The following BRCA1 variants were observed in gnomAD, a reference collection of about 807,000 sequenced individuals.
BRCA1 encodes breast cancer type 1 susceptibility protein.
In BRCA1, 140 loss-of-function variants were observed where a neutral mutation model predicts 173.7. That is an observed-to-expected ratio of 0.81 (90% confidence interval 0.70 to 0.93). The LOEUF (loss-of-function observed/expected upper bound fraction) is 0.93, where lower values mean the gene tolerates loss of function less well. Ranked by LOEUF, BRCA1 falls within the 40% of genes least tolerant of loss-of-function variation. The pLI is 0.00. For synonymous variants in BRCA1, 662 were observed against 756.0 expected, an observed-to-expected ratio of 0.88 and a Z score of 2.04; for missense variants, 1,983 against 2,172.5, an observed-to-expected ratio of 0.91 and a Z score of 1.73.
chr17:43,120,338 T>C (rs1263416636), intron 2 of BRCA1, among the ~76,000 whole-genome samples: 2 of 152,242 alleles, frequency 1.3e-5, no homozygotes, highest in Non-Finnish European at 2.9e-5. Flanking sequence ...TAACACTGTT[T>C]CCAGTCATGA....
chr17:43,113,266 C>T (rs1415420790), intron 3 of BRCA1, among the ~76,000 whole-genome samples: 1 of 152,182 alleles, frequency 6.6e-6, no homozygotes, highest in African/African-American at 2.4e-5. Context: ...TGGACCTTCT[C>T]TTTCTTGCAA....
chr17:43,087,946 G>A (rs956402391), intron 11 of BRCA1, among the ~76,000 whole-genome samples: 6 of 151,732 alleles, frequency 4.0e-5, no homozygotes, highest in African/African-American at 7.3e-5. Flanking sequence ...GAGTGCAGTA[G>A]CGTGATCACA....
chr17:43,100,609 C>CATATATATAACATATATATATTAT (rs2054370754), intron 6 of BRCA1, among the ~76,000 whole-genome samples: 2 of 65,758 alleles, frequency 3.0e-5, no homozygotes, highest in African/African-American at 1.3e-4. Context: ...ATATATATAA[C>CATATATATAACATATATATATTAT]ATATATATAA....
intron 1 of BRCA1, chr17:43,164,730 C>G (rs35070007): frequency 0.55 from 83,316 of 151,936 alleles, 24,603 homozygotes; most frequent in Non-Finnish European, 0.66. Context: ...AGGTAGGGTC[C>G]TTCCAGGCTG....
chr17:43,097,468 C>T (rs2054190522), intron 7 of BRCA1, among the ~76,000 whole-genome samples, 179 bp from the exon 8 acceptor site: 2 of 152,144 alleles, frequency 1.3e-5, no homozygotes. Context: ...AAGGCATGGG[C>T]TTCGCCAGGC....
rs59541324 is a variant in BRCA1, at chr17:43,044,804, CTTTT to C, written c.*870_*873del. 7.6e-3 allele frequency: 2,817 copies of C among 368,452 alleles called. No homozygotes were observed. Among genetic ancestry groups the C allele is most frequent in the East Asian group, 0.012 (202 of 16,176 alleles). The allele number at this position is 368,452 out of a possible 1,614,324, so 22.8% of individuals were successfully genotyped here. A position where few individuals can be genotyped will look rare whatever the true frequency, so the allele number is the denominator to read the frequency against. ...AGAAATCTCTTCTAGTTTCATTTTCCTTTTTTTTTTTTTTTTTTTGAGCCACAGT... is the reference window on the plus strand; with the variant it reads ...AGAAATCTCTTCTAGTTTCATTTTCCTTTTTTTTTTTTTTTGAGCCACAGT... On this transcript the variant is annotated 3_prime_UTR_variant, in exon 23 of 23. Transcript: ENST00000357654.
At chr17:43,071,295 T>A in intron 14 of BRCA1, 57 bp from the exon 15 acceptor site, 1 of 1,577,182 alleles carries the variant, frequency 6.3e-7, no homozygotes. Flanking sequence ...ATTACAAAGT[T>A]CTGGTCTCTG....
intron 1 of BRCA1, among the ~76,000 whole-genome samples, chr17:43,158,278 T>C (rs1196529534): frequency 3.3e-5 from 5 of 152,200 alleles, no homozygotes; most frequent in South Asian, 2.1e-4. Flanking sequence ...CATGAGTAAG[T>C]TGTGCTTTTT....
chr17:43,078,601 G>C (rs986635500), intron 12 of BRCA1, among the ~76,000 whole-genome samples: 9 of 152,188 alleles, frequency 5.9e-5, no homozygotes, highest in African/African-American at 2.2e-4. Context: ...CATAAATATA[G>C]GTAGAAAATT....
At chr17:43,165,322 C>T (rs1235350935) in intron 1 of BRCA1, among the ~76,000 whole-genome samples, 1 of 152,172 alleles carries the variant, frequency 6.6e-6, no homozygotes, top group Admixed American at 6.5e-5. Context: ...TGTTTACACA[C>T]AGAATTTTCT....
At chr17:43,139,214 C>T (rs2056054866) in intron 1 of BRCA1, among the ~76,000 whole-genome samples, 1 of 150,440 alleles carries the variant, frequency 6.6e-6, no homozygotes. Flanking sequence ...TTCTTTTCTC[C>T]CAGGTGTTTT....
chr17:43,097,437 T>C (rs1277331422), intron 7 of BRCA1, 148 bp from the exon 8 acceptor site: 5 of 759,408 alleles, frequency 6.6e-6, no homozygotes, highest in South Asian at 3.1e-5. Context: ...TAAGCTAGTA[T>C]GTAATACAGA....
intron 1 of BRCA1, among the ~76,000 whole-genome samples, chr17:43,142,158 C>T (rs1407665684): frequency 6.6e-6 from 1 of 152,186 alleles, no homozygotes; most frequent in African/African-American, 2.4e-5. Context: ...AGGTGGTCCA[C>T]CCACCTCAGC....
chr17:43,106,557 A>G (rs1382771356), intron 3 of BRCA1, 24 bp from the exon 4 acceptor site: 1 of 1,516,796 alleles, frequency 6.6e-7, no homozygotes, highest in Non-Finnish European at 9.1e-7. Context: ...AGAAAGAAAG[A>G]ACAATTTAAT....
chr17:43,135,296 C>T (rs546881436), intron 1 of BRCA1, among the ~76,000 whole-genome samples: 4 of 136,096 alleles, frequency 2.9e-5, no homozygotes, highest in African/African-American at 7.5e-5. Flanking sequence ...CAGAGCGCAG[C>T]GGCCGGCCCA....
chr17:43,170,215 A>C (rs1394171007), exon 1 of BRCA1: 3 of 186,454 alleles, frequency 1.6e-5, no homozygotes, highest in Non-Finnish European at 3.4e-5. Flanking sequence ...GGGGTTCCAC[A>C]GTTTTAATTT....
chr17:43,119,046 A>T (rs1036415520), intron 2 of BRCA1: 3 of 216,716 alleles, frequency 1.4e-5, no homozygotes, highest in Admixed American at 5.8e-5. Context: ...GAGCCACTAC[A>T]CTTAGCTCTA....
At chr17:43,122,265 T>G (rs1478992688) in intron 2 of BRCA1, among the ~76,000 whole-genome samples, 1 of 152,226 alleles carries the variant, frequency 6.6e-6, no homozygotes, top group Non-Finnish European at 1.5e-5. Flanking sequence ...ACTTTTCAAC[T>G]TATTTTTTGA....
Position 43,118,307 on chromosome 17 carries a change from G to C in BRCA1, c.81-2528C>G, listed in dbSNP as rs1278361645. 3.3e-5 allele frequency among the ~76,000 whole-genome samples: 5 copies of C among 152,158 alleles called. No homozygotes were observed. The South Asian group carries it at 8.3e-4, about 25-fold the overall frequency. ...GATATTGTAGGGAAAGACTATCAGAGAGGTAGCTGGTAACTTCTGGTAGGA... is the reference window on the plus strand; with the variant it reads ...GATATTGTAGGGAAAGACTATCAGACAGGTAGCTGGTAACTTCTGGTAGGA... On this transcript the variant is annotated intron_variant, in intron 2 of 22. Coordinates refer to ENST00000357654, the MANE Select transcript of BRCA1 (RefSeq NM_007294.4).
Sources: gnomAD v4.1 joint callset for allele counts (sites outside exome capture counted in the v4.1 genomes callset) on GRCh38, gnomAD v4.1.1 for gene constraint, MANE v1.5 for transcripts, NCBI Gene and HGNC (gene_info 2026-07-23, HGNC 2026-07-21) for gene names.